The following PHYHIPL variants were observed in gnomAD, a reference collection of about 807,000 sequenced individuals.
PHYHIPL encodes the protein phytanoyl-CoA 2-hydroxylase interacting protein like.
In PHYHIPL, 9 loss-of-function variants were observed where a neutral mutation model predicts 33.4. The ratio of observed to expected loss-of-function variants is 0.27; its 90% CI spans 0.16 to 0.47. The LOEUF (loss-of-function observed/expected upper bound fraction) is 0.47. Ranked by LOEUF, PHYHIPL falls within the 20% of genes least tolerant of loss-of-function variation. PHYHIPL has a pLI of 0.99. For synonymous variants in PHYHIPL, 153 were observed against 154.1 expected (o/e 0.99, Z 0.05); for missense variants, 365 against 460.7 (o/e 0.79, Z 1.90).
At chr10:59,202,521 G>C (rs1241736476) in intron 1 of PHYHIPL, among the ~76,000 whole-genome samples, 1 of 151,966 alleles carries the variant, frequency 6.6e-6, no homozygotes, top group African/African-American at 2.4e-5. Flanking sequence ...GAATGACTTG[G>C]GTAATTTAGA....
At position 59,208,427 on chromosome 10, in the gene PHYHIPL, A is replaced by G. The variant is rs190503555; in HGVS notation, c.107-25877A>G. Among the ~76,000 whole-genome samples, 179 of 152,290 alleles carry G rather than the reference A, an allele frequency of 1.2e-3. 2 individuals are homozygous for G. The South Asian group carries it at 0.017, about 15-fold the overall frequency. ...CAGAAACCTCATCTGAAGGTCACCAATATCAAGGACCAAAGGTAGATAAAT... is the reference window on the plus strand; with the variant it reads ...CAGAAACCTCATCTGAAGGTCACCAGTATCAAGGACCAAAGGTAGATAAAT... On this transcript the variant is annotated intron_variant, in intron 1 of 4. Transcript: ENST00000373880.
At chr10:59,234,892 G>T (rs1177220070) in intron 2 of PHYHIPL, among the ~76,000 whole-genome samples, 1 of 151,846 alleles carries the variant, frequency 6.6e-6, no homozygotes, top group African/African-American at 2.4e-5. Flanking sequence ...GATGGGAGGG[G>T]TGAAGAGGAG....
chr10:59,241,677 T>A (rs1172596826), intron 4 of PHYHIPL, among the ~76,000 whole-genome samples: 1 of 152,174 alleles, frequency 6.6e-6, no homozygotes, highest in Non-Finnish European at 1.5e-5. Context: ...AGGACACATA[T>A]CATAGATATT....
Position 59,247,502 on chromosome 10 carries a change from C to T in PHYHIPL, c.*1911C>T, listed in dbSNP as rs1276546209. 15 of 1,323,944 alleles carry T rather than the reference C, an allele frequency of 1.1e-5. No individual in the cohort carries two copies. Among genetic ancestry groups the T allele is most frequent in the Non-Finnish European group, 1.4e-5 (13 of 936,470 alleles). 82.0% of individuals were successfully genotyped at this position (1,323,944 alleles called of 1,614,324 possible). On this transcript the variant is annotated 3_prime_UTR_variant, in exon 5 of 5. Coordinates refer to ENST00000373880, the MANE Select transcript of PHYHIPL (RefSeq NM_032439.4). ...TCCTTCTTAAAAACAGCTAATACTA[C>T]CACTAAAGTGCTTCCATTTTCATTG...
chr10:59,176,808 G>A lies in PHYHIPL; in HGVS notation c.-46G>A. The A allele has an allele frequency of 1.3e-6, 2 of 1,549,856 alleles. No homozygotes were observed. Among genetic ancestry groups the A allele is most frequent in the Non-Finnish European group, 1.8e-6 (2 of 1,136,390 alleles). Reference sequence around the variant, plus strand: ...TCTTCTTGCCCACCCGGCCGGCAGAGAGAGCCTGGATACGAAGCAGGCGGG... The same window carrying A: ...TCTTCTTGCCCACCCGGCCGGCAGAAAGAGCCTGGATACGAAGCAGGCGGG... On this transcript the variant is annotated 5_prime_UTR_variant, in exon 1 of 5. Coordinates refer to ENST00000373880, the MANE Select transcript of PHYHIPL (RefSeq NM_032439.4).
In PHYHIPL at chr10:59,176,786, T is replaced by C; in HGVS notation, c.-68T>C. ...CCACTCCCCCTCCCTTTCCCGCTCT[T>C]CTTGCCCACCCGGCCGGCAGAGAGA... On this transcript the variant is annotated 5_prime_UTR_variant, in exon 1 of 5. Transcript: ENST00000373880. 2 of 1,432,234 alleles carry C rather than the reference T, an allele frequency of 1.4e-6. No individual in the cohort carries two copies. The highest frequency in any genetic ancestry group is 1.9e-6 in the Non-Finnish European group (2 of 1,042,436). The allele number at this position is 1,432,234 out of a possible 1,614,324, so 88.7% of individuals were successfully genotyped here.
intron 1 of PHYHIPL, among the ~76,000 whole-genome samples, chr10:59,196,149 A>G (rs1209885080): frequency 6.6e-6 from 1 of 152,114 alleles, no homozygotes; most frequent in Non-Finnish European, 1.5e-5. Context: ...AAAACAAAGT[A>G]TCTAAATAAA....
At position 59,194,080 on chromosome 10, in the gene PHYHIPL, G is replaced by GTT. The variant is rs778292956; in HGVS notation, c.106+17141_106+17142dup. Reference sequence around the variant, plus strand: ...TGTAGAAGTATTTCTTTACCTATATGTTTTTTTTTTTTTTTTTTTTTGAGG... The same window carrying GTT: ...TGTAGAAGTATTTCTTTACCTATATGTTTTTTTTTTTTTTTTTTTTTTTGAGG... On this transcript the variant is annotated intron_variant, in intron 1 of 4. Transcript: ENST00000373880. 3.7e-3 allele frequency among the ~76,000 whole-genome samples: 411 copies of GTT among 111,436 alleles called. 10 individuals carry two copies. The highest frequency in any genetic ancestry group is 7.8e-3 in the African/African-American group (223 of 28,622). 73.1% of individuals were successfully genotyped at this position (111,436 alleles called of 152,430 possible). A position where few individuals can be genotyped will look rare whatever the true frequency, so the allele number is the denominator to read the frequency against.
At chr10:59,206,730 A>G in intron 1 of PHYHIPL, 1 of 1,100,436 alleles carries the variant, frequency 9.1e-7, no homozygotes. Context: ...AAAAGCTGTT[A>G]TGCATTTCTT....
chr10:59,174,319 T>C (rs1042779247), upstream of PHYHIPL, among the ~76,000 whole-genome samples: 3 of 152,090 alleles, frequency 2.0e-5, no homozygotes, highest in African/African-American at 7.2e-5. Flanking sequence ...GCCACCACCT[T>C]CCTTATATCA....
chr10:59,230,020 A>C (rs982147412), intron 1 of PHYHIPL, among the ~76,000 whole-genome samples: 4 of 152,152 alleles, frequency 2.6e-5, no homozygotes, highest in African/African-American at 9.7e-5. Context: ...AATTCACCAC[A>C]ACAACACTGG....
In PHYHIPL at chr10:59,238,548, T is replaced by C. The variant is rs368184914; in HGVS notation, c.479-40T>C. ...TTAAGTATATGGTTGGTACTTTTGGTGCAATATTTTTAATAACAGACTTTT... is the reference window on the plus strand; with the variant it reads ...TTAAGTATATGGTTGGTACTTTTGGCGCAATATTTTTAATAACAGACTTTT... On this transcript the variant is annotated intron_variant, in intron 3 of 4. Transcript: ENST00000373880. 8 of 1,153,920 alleles carry C rather than the reference T, an allele frequency of 6.9e-6. No individual in the cohort carries two copies. In the East Asian group the frequency reaches 7.0e-5, roughly 10 times the overall value. The allele number at this position is 1,153,920 out of a possible 1,614,324, so 71.5% of individuals were successfully genotyped here.
At chr10:59,199,174 G>T (rs958112932) in intron 1 of PHYHIPL, among the ~76,000 whole-genome samples, 64 of 152,064 alleles carry the variant, frequency 4.2e-4, no homozygotes, top group African/African-American at 1.4e-3. Context: ...TTCTTCTAGG[G>T]TTTTTATGGT....
intron 1 of PHYHIPL, among the ~76,000 whole-genome samples, chr10:59,214,551 G>A (rs183938924): frequency 8.8e-4 from 134 of 152,122 alleles, no homozygotes; most frequent in African/African-American, 3.1e-3. Flanking sequence ...TGTGTGTATT[G>A]TGGGATTTTA....
intron 1 of PHYHIPL, among the ~76,000 whole-genome samples, chr10:59,227,639 C>T (rs1269441049): frequency 6.6e-6 from 1 of 152,116 alleles, no homozygotes; most frequent in African/African-American, 2.4e-5. Flanking sequence ...ATACCTCACA[C>T]TATGGCATCA....
At chr10:59,187,436 T>C (rs1264029350) in intron 1 of PHYHIPL, among the ~76,000 whole-genome samples, 1 of 152,192 alleles carries the variant, frequency 6.6e-6, no homozygotes, top group East Asian at 1.9e-4. Context: ...CTTTTTTTGT[T>C]GTGTCTCTGC....
intron 1 of PHYHIPL, among the ~76,000 whole-genome samples, chr10:59,182,725 A>G (rs554233955): frequency 6.6e-6 from 1 of 152,240 alleles, no homozygotes; most frequent in African/African-American, 2.4e-5. Context: ...GTCTGAGCAG[A>G]AAAAAATAGG....
intron 1 of PHYHIPL, among the ~76,000 whole-genome samples, chr10:59,229,997 A>T (rs7078087): frequency 6.6e-6 from 1 of 152,138 alleles, no homozygotes; most frequent in Non-Finnish European, 1.5e-5. Flanking sequence ...TTACTGATAC[A>T]TAGAAATTCA....
chr10:59,207,540 C>T (rs1006602529), intron 1 of PHYHIPL, among the ~76,000 whole-genome samples: 1 of 152,184 alleles, frequency 6.6e-6, no homozygotes, highest in African/African-American at 2.4e-5. Context: ...TCAGCAAAGT[C>T]GCTGTAGCCA....
Sources: allele counts gnomAD v4.1 joint callset (sites outside exome capture counted in the v4.1 genomes callset), GRCh38; gene constraint gnomAD v4.1.1; transcripts MANE v1.5; gene names NCBI Gene and HGNC (gene_info 2026-07-23, HGNC 2026-07-21).